FILIP1L: variants seen among roughly 807,000 people sequenced by gnomAD.
FILIP1L encodes filamin A-interacting protein 1-like.
In FILIP1L, 55 loss-of-function variants were observed where a neutral mutation model predicts 96.6. The observed-to-expected ratio is 0.57, with a 90% CI of 0.46 to 0.71. FILIP1L has a LOEUF of 0.71. Ranked by LOEUF, FILIP1L falls within the 30% of genes least tolerant of loss-of-function variation. The pLI, the probability that FILIP1L is intolerant of heterozygous loss-of-function variation, is 0.00. For missense variants in FILIP1L, 1,304 were observed against 1,321.2 expected, an observed-to-expected ratio of 0.99 and a Z score of 0.20; for synonymous variants, 467 against 473.9, an observed-to-expected ratio of 0.99 and a Z score of 0.19.
intron 1 of FILIP1L, among the ~76,000 whole-genome samples, chr3:99,932,274 A>G (rs1707506125): frequency 6.6e-6 from 1 of 152,138 alleles, no homozygotes; most frequent in African/African-American, 2.4e-5. Flanking sequence ...ATGTACATAT[A>G]TATTGCTGAA....
Position 99,851,077 on chromosome 3 carries a change from A to C in FILIP1L, c.606-7T>G. The C allele has an allele frequency of 6.4e-7, 1 of 1,564,320 alleles. No individual in the cohort carries two copies. Among genetic ancestry groups the C allele is most frequent in the Non-Finnish European group, 8.6e-7 (1 of 1,163,216 alleles). On this transcript the variant is annotated splice_region_variant and splice_polypyrimidine_tract_variant and intron_variant, in intron 4 of 5. Transcript: ENST00000477258. ...ATCAATTAGCTTCTTTAATCTGAAA[A>C]ATGTAAAGTGCATTTTATTTTGTGA...
chr3:100,014,618 G>A (rs146699402), intron 1 of FILIP1L, among the ~76,000 whole-genome samples: 23 of 152,064 alleles, frequency 1.5e-4, no homozygotes, highest in African/African-American at 4.8e-4. Context: ...TCATATACCT[G>A]TTGGCCATTT....
intron 1 of FILIP1L, among the ~76,000 whole-genome samples, chr3:100,081,826 G>A (rs914307526): frequency 1.3e-5 from 2 of 152,156 alleles, no homozygotes; most frequent in Non-Finnish European, 2.9e-5. Context: ...GCAGAGGGCT[G>A]TCCTGTGCAT....
chr3:99,921,615 G>T (rs1707126372), intron 4 of FILIP1L, among the ~76,000 whole-genome samples: 1 of 152,136 alleles, frequency 6.6e-6, no homozygotes, highest in Non-Finnish European at 1.5e-5. Context: ...CATATCTTCT[G>T]GAATGGCTAA....
intron 1 of FILIP1L, among the ~76,000 whole-genome samples, chr3:99,991,630 G>A (rs545522324): frequency 6.6e-6 from 1 of 151,856 alleles, no homozygotes; most frequent in African/African-American, 2.4e-5. Flanking sequence ...GTATTCTCCA[G>A]TGTCTGTTAT....
chr3:100,085,030 ATATG>A (rs2065985671), intron 1 of FILIP1L, among the ~76,000 whole-genome samples: 1 of 152,202 alleles, frequency 6.6e-6, no homozygotes, highest in East Asian at 1.9e-4. Context: ...GCACTTTTAA[ATATG>A]TATGTATGGT....
At chr3:100,040,527 A>T (rs1001847683) in intron 1 of FILIP1L, 3 of 152,108 alleles carry the variant, frequency 2.0e-5, no homozygotes, top group African/African-American at 7.2e-5. Context: ...ATTTGTACAG[A>T]CTTCTCTGCA....
intron 1 of FILIP1L, among the ~76,000 whole-genome samples, chr3:100,067,446 A>G (rs1031923721): frequency 1.3e-5 from 2 of 152,172 alleles, no homozygotes; most frequent in African/African-American, 4.8e-5. Flanking sequence ...CCTGGCTCCA[A>G]TTATTCCCAT....
At chr3:100,081,438 A>G (rs943662271) in intron 1 of FILIP1L, among the ~76,000 whole-genome samples, 4 of 152,192 alleles carry the variant, frequency 2.6e-5, no homozygotes, top group African/African-American at 7.2e-5. Flanking sequence ...TTGTCTGTCA[A>G]TGCTAGTCTC....
At chr3:99,894,499 C>T (rs573496659) in intron 4 of FILIP1L, among the ~76,000 whole-genome samples, 49 of 152,254 alleles carry the variant, frequency 3.2e-4, no homozygotes, top group African/African-American at 1.2e-3. Flanking sequence ...GTCTGTGTTG[C>T]TTATTATTTC....
chr3:99,973,834 T>G (rs1004555394), intron 1 of FILIP1L, among the ~76,000 whole-genome samples: 1 of 152,176 alleles, frequency 6.6e-6, no homozygotes, highest in Non-Finnish European at 1.5e-5. Context: ...GCCTGGTGTT[T>G]GTTGTTGGTG....
chr3:99,998,657 G>A (rs1487901737), intron 1 of FILIP1L, among the ~76,000 whole-genome samples: 2 of 152,170 alleles, frequency 1.3e-5, no homozygotes, highest in African/African-American at 4.8e-5. Context: ...CCGCCTCCCG[G>A]GTTCACGCGA....
intron 1 of FILIP1L, among the ~76,000 whole-genome samples, chr3:100,084,212 A>G (rs1285143078): frequency 6.6e-6 from 1 of 152,182 alleles, no homozygotes; most frequent in African/African-American, 2.4e-5. Context: ...TTTCATGTAC[A>G]TGTTTAAATA....
At chr3:99,832,071 CAGCTGCCTGAAGGTT>C (rs1036956129) in intron 5 of FILIP1L, among the ~76,000 whole-genome samples, 1 of 152,138 alleles carries the variant, frequency 6.6e-6, no homozygotes, top group Non-Finnish European at 1.5e-5. Context: ...CTTTCAGGCC[CAGCTGCCTGAAGGTT>C]ACTGGGCTCC....
chr3:99,904,140 A>C (rs1306343074), intron 4 of FILIP1L, among the ~76,000 whole-genome samples: 1 of 152,188 alleles, frequency 6.6e-6, no homozygotes, highest in East Asian at 1.9e-4. Context: ...GGCAATAGTG[A>C]GTGTGATGAA....
At chr3:99,969,299 G>A (rs992507162) in intron 1 of FILIP1L, among the ~76,000 whole-genome samples, 1 of 152,196 alleles carries the variant, frequency 6.6e-6, no homozygotes, top group Non-Finnish European at 1.5e-5. Context: ...ATGTAGCCTT[G>A]TTTGGGCTCT....
intron 4 of FILIP1L, among the ~76,000 whole-genome samples, chr3:99,855,262 C>T (rs1943905247): frequency 6.6e-6 from 1 of 152,100 alleles, no homozygotes; most frequent in Non-Finnish European, 1.5e-5. Context: ...TTCTGGGGAA[C>T]AAAATGACTC....
intron 1 of FILIP1L, among the ~76,000 whole-genome samples, chr3:99,946,475 GTT>G (rs747002088): frequency 1.1e-4 from 16 of 152,194 alleles, no homozygotes; most frequent in Admixed American, 2.6e-4. Flanking sequence ...TTTTGGTAGT[GTT>G]TTCTGACACA....
intron 1 of FILIP1L, among the ~76,000 whole-genome samples, chr3:99,997,596 G>A (rs780482030): frequency 1.3e-5 from 2 of 152,118 alleles, no homozygotes; most frequent in South Asian, 4.1e-4. Context: ...GTAGGGGCAG[G>A]GTGGGAAGGA....
Sources: gnomAD v4.1 joint callset for allele counts (sites outside exome capture counted in the v4.1 genomes callset) on GRCh38, gnomAD v4.1.1 for gene constraint, MANE v1.5 for transcripts, NCBI Gene and HGNC (gene_info 2026-07-23, HGNC 2026-07-21) for gene names.